The following GNA14 variants were observed in gnomAD, a reference collection of about 807,000 sequenced individuals.
The protein encoded by GNA14 is G protein subunit alpha 14.
In GNA14, 50 loss-of-function variants were observed where a neutral mutation model predicts 42.0. That is an observed-to-expected ratio of 1.19 (90% CI 0.95 to 1.51). GNA14 has a LOEUF of 1.51. Among genes scored for constraint, GNA14 ranks in the 40% most tolerant of loss-of-function variants. GNA14 has a pLI of 0.00. For missense variants in GNA14, 473 were observed against 446.2 expected, an observed-to-expected ratio of 1.06 and a Z score of -0.54; for synonymous variants, 173 against 163.1, an observed-to-expected ratio of 1.06 and a Z score of -0.46.
intron 1 of GNA14, among the ~76,000 whole-genome samples, chr9:77,610,901 G>A (rs770830197): frequency 6.6e-5 from 10 of 152,174 alleles, no homozygotes; most frequent in Non-Finnish European, 1.5e-4. Context: ...TGTGAAAGGG[G>A]ACTCTGGTTT....
At chr9:77,640,205 C>G (rs1824236448) in intron 1 of GNA14, among the ~76,000 whole-genome samples, 6 of 152,236 alleles carry the variant, frequency 3.9e-5, no homozygotes, top group Admixed American at 3.9e-4. Flanking sequence ...TGCCCTGGCA[C>G]TTGCTCTTTC....
intron 2 of GNA14, among the ~76,000 whole-genome samples, chr9:77,448,847 AAATGTATTT>A (rs1400632261): frequency 6.6e-6 from 1 of 152,196 alleles, no homozygotes; most frequent in Non-Finnish European, 1.5e-5. Flanking sequence ...AACTTTTTAA[AAATGTATTT>A]AATTAGTGTA....
intron 1 of GNA14, among the ~76,000 whole-genome samples, chr9:77,550,946 G>C (rs1354575729): frequency 6.6e-6 from 1 of 152,202 alleles, no homozygotes; most frequent in East Asian, 1.9e-4. Context: ...TGTGGGCCCA[G>C]TTCCTGTTTT....
chr9:77,542,711 G>A (rs893867806), intron 1 of GNA14, among the ~76,000 whole-genome samples: 1 of 152,234 alleles, frequency 6.6e-6, no homozygotes, highest in Admixed American at 6.5e-5. Context: ...CCTTCAGGTG[G>A]CTTGTGCAGG....
chr9:77,504,668 T>G (rs1837037100), intron 2 of GNA14, among the ~76,000 whole-genome samples: 1 of 140,100 alleles, frequency 7.1e-6, no homozygotes, highest in Non-Finnish European at 1.5e-5. Context: ...GACTTTTTTT[T>G]TTTTTTTTTT....
intron 1 of GNA14, among the ~76,000 whole-genome samples, chr9:77,566,836 A>G (rs1037350183): frequency 6.6e-6 from 1 of 152,186 alleles, no homozygotes; most frequent in Non-Finnish European, 1.5e-5. Context: ...CTAACTGACC[A>G]GTATATCTCT....
intron 1 of GNA14, among the ~76,000 whole-genome samples, chr9:77,583,426 CA>C (rs1392145380): frequency 2.0e-5 from 3 of 152,122 alleles, no homozygotes; most frequent in African/African-American, 7.2e-5. Flanking sequence ...CTCTAGATTC[CA>C]AAACAAAGGA....
At chr9:77,459,527 C>A (rs1836068685) in intron 2 of GNA14, among the ~76,000 whole-genome samples, 1 of 152,042 alleles carries the variant, frequency 6.6e-6, no homozygotes, top group Non-Finnish European at 1.5e-5. Context: ...AACATACGGC[C>A]CCAGGCACCG....
At chr9:77,647,541 G>A in intron 1 of GNA14, 129 bp downstream of exon 1, 1 of 1,055,460 alleles carries the variant, frequency 9.5e-7, no homozygotes, top group African/African-American at 1.6e-5. Flanking sequence ...CGTGAGCTCC[G>A]AGGGGGAGAA....
rs527453303 is a variant in GNA14 at position 77,457,005 on chromosome 9, C to A, written c.310-22483G>T. ...CATGCCTGTGACTCACTAGGATTCA[C>A]TGTGACTCACGACGCCACGTAGTGG... On this transcript the variant is annotated intron_variant, in intron 2 of 6. Transcript: ENST00000341700. Among the ~76,000 whole-genome samples, 5 of 152,370 alleles carry A rather than the reference C, an allele frequency of 3.3e-5. No homozygotes were observed. The East Asian group carries it at 9.6e-4, about 29-fold the overall frequency.
chr9:77,499,719 G>A (rs537009715), intron 2 of GNA14, among the ~76,000 whole-genome samples: 259 of 152,038 alleles, frequency 1.7e-3, no homozygotes, highest in African/African-American at 5.9e-3. Flanking sequence ...GCATGGTGGC[G>A]CGCTCCTGTA....
chr9:77,496,899 T>TAC (rs1336857896), intron 2 of GNA14, among the ~76,000 whole-genome samples: 1 of 152,210 alleles, frequency 6.6e-6, no homozygotes, highest in African/African-American at 2.4e-5. Flanking sequence ...AATGCTTTTG[T>TAC]ACCCATTATC....
At chr9:77,452,576 G>GTGTTATAGCTCACATTTTCTTTATCCATT (rs1564018286) in intron 2 of GNA14, among the ~76,000 whole-genome samples, 1 of 132,024 alleles carries the variant, frequency 7.6e-6, no homozygotes, top group Admixed American at 7.4e-5. Context: ...GTGTGTATGT[G>GTGTTATAGCTCACATTTTCTTTATCCATT]CATGTGTATG....
At chr9:77,638,346 A>C (rs1824213198) in intron 1 of GNA14, among the ~76,000 whole-genome samples, 1 of 152,240 alleles carries the variant, frequency 6.6e-6, no homozygotes, top group South Asian at 2.1e-4. Flanking sequence ...AACAGCTATG[A>C]AGAAATAAAG....
At chr9:77,533,336 C>T (rs1339245654) in intron 1 of GNA14, among the ~76,000 whole-genome samples, 1 of 152,134 alleles carries the variant, frequency 6.6e-6, no homozygotes, top group African/African-American at 2.4e-5. Flanking sequence ...TGTGCCACCA[C>T]ACCTGGCTAA....
chr9:77,483,303 G>A (rs1056014072), intron 2 of GNA14, among the ~76,000 whole-genome samples: 2 of 152,180 alleles, frequency 1.3e-5, no homozygotes, highest in African/African-American at 2.4e-5. Flanking sequence ...GTCTGTTGGA[G>A]TTTGTTAGAG....
chr9:77,450,922 G>A (rs946016862), intron 2 of GNA14, among the ~76,000 whole-genome samples: 1 of 152,044 alleles, frequency 6.6e-6, no homozygotes, highest in South Asian at 2.1e-4. Flanking sequence ...CTTGCCTGCT[G>A]CCATGTAAGA....
rs142794462 is a variant in GNA14, at chr9:77,603,749, A to C, written c.124+43921T>G. On this transcript the variant is annotated intron_variant, in intron 1 of 6. Transcript: ENST00000341700. ...GGGAGGCCGAGGAGGGCAGATCACG[A>C]GGTCAGGAGATTGAGACTATCCTGG... Among the ~76,000 whole-genome samples the C allele has an allele frequency of 3.8e-3, 574 of 152,112 alleles. 4 individuals carry two copies. Among genetic ancestry groups the C allele is most frequent in the African/African-American group, 0.013 (555 of 41,492 alleles).
intron 2 of GNA14, among the ~76,000 whole-genome samples, chr9:77,522,628 T>C (rs1387172548): frequency 6.6e-6 from 1 of 152,220 alleles, no homozygotes; most frequent in Non-Finnish European, 1.5e-5. Context: ...TATTTATCAG[T>C]GGTTCTCGAC....
Sources: allele counts gnomAD v4.1 joint callset (sites outside exome capture counted in the v4.1 genomes callset), GRCh38; gene constraint gnomAD v4.1.1; transcripts MANE v1.5; gene names NCBI Gene and HGNC (gene_info 2026-07-23, HGNC 2026-07-21).